Variants in LASP1 observed in about 807,000 individuals in gnomAD.
LASP1 encodes the protein LIM and SH3 protein 1.
LASP1 carries 10 observed loss-of-function variants against 38.6 expected under a neutral mutation model. That is an observed-to-expected ratio of 0.26 (90% confidence interval 0.16 to 0.44). LASP1 has a LOEUF of 0.44. LASP1 is among the 20% of genes least tolerant of loss of function. LASP1 has a pLI of 1.00. For synonymous variants in LASP1, 132 were observed against 140.8 expected, an observed-to-expected ratio of 0.94 and a Z score of 0.44; for missense variants, 243 against 375.7, an observed-to-expected ratio of 0.65 and a Z score of 2.92.
chr17:38,887,208 C>G (rs2143759636), intron 2 of LASP1, among the ~76,000 whole-genome samples: 1 of 152,264 alleles, frequency 6.6e-6, no homozygotes, highest in South Asian at 2.1e-4. Context: ...CCGGAGGTCT[C>G]CTCTCCCCCA....
At chr17:38,890,620 C>A in intron 3 of LASP1, 116 bp downstream of exon 3, 2 of 900,032 alleles carry the variant, frequency 2.2e-6, no homozygotes, top group South Asian at 1.4e-5. Context: ...GGCCAAGGTG[C>A]TGAAATCCTA....
chr17:38,908,998 C>A (rs1389429378), intron 4 of LASP1, among the ~76,000 whole-genome samples: 1 of 152,186 alleles, frequency 6.6e-6, no homozygotes, highest in Non-Finnish European at 1.5e-5. Flanking sequence ...CTTCCCACCC[C>A]ACTACTCCCA....
chr17:38,875,270 C>T lies in LASP1; in HGVS notation c.70-2816C>T, dbSNP rs554833300. 1.7e-3 allele frequency among the ~76,000 whole-genome samples: 261 copies of T among 151,912 alleles called. 1 individual carries two copies. The highest frequency in any genetic ancestry group is 0.012 in the East Asian group (62 of 5,156). ...ACCCTGCCAATGCCTCCCAGTTACT[C>T]GGGGAGGGAGTGGGGCTGTCACTTC... On this transcript the variant is annotated intron_variant, in intron 1 of 6. Coordinates refer to ENST00000318008, the MANE Select transcript of LASP1 (RefSeq NM_006148.4).
At chr17:38,870,553 T>C (rs954796637) in intron 1 of LASP1, among the ~76,000 whole-genome samples, 30 of 151,946 alleles carry the variant, frequency 2.0e-4, no homozygotes, top group African/African-American at 5.8e-4. Context: ...CCGGGGTGTG[T>C]TGGGGGAAGG....
rs574432160 is a variant in LASP1, at chr17:38,903,527, T to A, written c.357+5008T>A. Among the ~76,000 whole-genome samples, 3 of 152,028 alleles carry A rather than the reference T, an allele frequency of 2.0e-5. No homozygotes were observed. The East Asian group carries it at 5.8e-4, about 29-fold the overall frequency. On this transcript the variant is annotated intron_variant, in intron 4 of 6. Transcript: ENST00000318008. ...GGCATATAGCACCATGCCCAGCTAATTGTTATTTTTTTTGTAGAGAGAGGG... is the reference window on the plus strand; with the variant it reads ...GGCATATAGCACCATGCCCAGCTAAATGTTATTTTTTTTGTAGAGAGAGGG...
At chr17:38,883,760 T>C (rs921608133) in intron 2 of LASP1, among the ~76,000 whole-genome samples, 3 of 150,466 alleles carry the variant, frequency 2.0e-5, no homozygotes, top group Admixed American at 2.0e-4. Context: ...TTTTTTTTCT[T>C]TTCATTTTGT....
At chr17:38,894,284 T>C (rs1305228206) in intron 3 of LASP1, among the ~76,000 whole-genome samples, 1 of 152,216 alleles carries the variant, frequency 6.6e-6, no homozygotes, top group African/African-American at 2.4e-5. Context: ...TAGACTGTTC[T>C]TCCATTTTTT....
At chr17:38,888,100 TC>T (rs1287849758) in intron 2 of LASP1, among the ~76,000 whole-genome samples, 1 of 152,016 alleles carries the variant, frequency 6.6e-6, no homozygotes, top group African/African-American at 2.4e-5. Context: ...CACCCACCAG[TC>T]CCTGAAGTAA....
chr17:38,870,331 C>T, intron 1 of LASP1, 73 bp downstream of exon 1: 1 of 1,530,154 alleles, frequency 6.5e-7, no homozygotes, highest in Non-Finnish European at 9.0e-7. Flanking sequence ...AGAGAAGGGC[C>T]GGGTCTTTGC....
At chr17:38,912,507 TGCC>T (rs1914986052) in intron 4 of LASP1, among the ~76,000 whole-genome samples, 1 of 151,658 alleles carries the variant, frequency 6.6e-6, no homozygotes, top group African/African-American at 2.4e-5. Context: ...AGGGTCAGGG[TGCC>T]GCAAGCACAA....
At chr17:38,902,907 T>C (rs1659464323) in intron 4 of LASP1, among the ~76,000 whole-genome samples, 1 of 152,128 alleles carries the variant, frequency 6.6e-6, no homozygotes, top group Admixed American at 6.5e-5. Flanking sequence ...TTTGCCATAT[T>C]GGCTCGGCTG....
chr17:38,880,075 C>T (rs1175088477), intron 2 of LASP1, among the ~76,000 whole-genome samples: 2 of 152,214 alleles, frequency 1.3e-5, no homozygotes, highest in Non-Finnish European at 2.9e-5. Flanking sequence ...CACACAAGCC[C>T]TGGTTCTCTG....
At chr17:38,879,161 CTTTT>C (rs55952948) in intron 2 of LASP1, among the ~76,000 whole-genome samples, 4 of 123,704 alleles carry the variant, frequency 3.2e-5, no homozygotes, top group South Asian at 2.7e-4. Context: ...TTTTAATTTG[CTTTT>C]TTTTTTTTTT....
intron 2 of LASP1, among the ~76,000 whole-genome samples, chr17:38,887,177 C>CTCA (rs1263811129): frequency 1.3e-5 from 2 of 152,194 alleles, no homozygotes; most frequent in African/African-American, 4.8e-5. Flanking sequence ...ATTGAGTCTT[C>CTCA]GAGTGCTGGG....
In LASP1 at chr17:38,914,452, A is replaced by C; in HGVS notation, c.485A>C (p.His162Pro). The stretch of plus-strand genomic sequence containing the variant: ...CGGCCCCTGGAGCAGCAGCAGCCTC[A>C]CCACATCCCGACCAGTGCCCCGGGT... The part of the protein sequence containing the change: ...YRRPLEQQQP[H>P]HIPTSAPVYQ... The change falls in exon 5 of 7, where the codon CAC (histidine) becomes CCC (proline). Residue 162 changes from histidine to proline, a missense_variant. Physicochemically the swap from His to Pro is moderately conservative, Grantham distance 77. Coordinates refer to ENST00000318008, the MANE Select transcript of LASP1 (RefSeq NM_006148.4). 1 of 1,609,236 alleles carries C rather than the reference A, an allele frequency of 6.2e-7. No individual in the cohort carries two copies. The highest frequency in any genetic ancestry group is 2.2e-5 in the East Asian group (1 of 44,860).
At position 38,919,470 on chromosome 17, in the gene LASP1, A is replaced by G. The variant is rs1037976040; in HGVS notation, c.*692A>G. 1 of 242,410 alleles carries G rather than the reference A, an allele frequency of 4.1e-6. No individual in the cohort carries two copies. Among genetic ancestry groups the G allele is most frequent in the East Asian group, 5.9e-5 (1 of 17,086 alleles). 15.0% of individuals were successfully genotyped at this position (242,410 alleles called of 1,614,324 possible). The stretch of plus-strand genomic sequence containing the variant: ...GGGCAAAGAGCTCCCGAGGAAGCAC[A>G]GCTTGGGTCAGGTTCTTGCCTTTCT... On this transcript the variant is annotated 3_prime_UTR_variant, in exon 7 of 7. Coordinates refer to ENST00000318008, the MANE Select transcript of LASP1 (RefSeq NM_006148.4).
At chr17:38,908,089 C>G (rs1050896112) in intron 4 of LASP1, among the ~76,000 whole-genome samples, 2 of 152,168 alleles carry the variant, frequency 1.3e-5, no homozygotes, top group Non-Finnish European at 2.9e-5. Context: ...TCCCTGTCAC[C>G]CCATCGCTAA....
At chr17:38,883,512 T>C (rs1432850219) in intron 2 of LASP1, among the ~76,000 whole-genome samples, 1 of 152,158 alleles carries the variant, frequency 6.6e-6, no homozygotes, top group Non-Finnish European at 1.5e-5. Flanking sequence ...GATGACAGTG[T>C]GGGGGAGGGC....
chr17:38,918,013 G>A lies in LASP1; in HGVS notation c.613-592G>A, dbSNP rs532871920. 6.6e-6 allele frequency among the ~76,000 whole-genome samples: 1 copy of A among 151,972 alleles called. No individual in the cohort carries two copies. The highest frequency in any genetic ancestry group is 1.5e-5 in the Non-Finnish European group (1 of 67,980). ...AAATTAGCCGGGCATGGTGGTACAC[G>A]CTTATAGTCCCAGCTACTTGGGAGG... On this transcript the variant is annotated intron_variant, in intron 6 of 6. Coordinates refer to ENST00000318008, the MANE Select transcript of LASP1 (RefSeq NM_006148.4). This position sits in a 1 kb window ranked among gnomAD's most constrained non-coding sequence, Gnocchi z 4.4.
Sources: allele counts gnomAD v4.1 joint callset (sites outside exome capture counted in the v4.1 genomes callset), GRCh38; gene constraint gnomAD v4.1.1; non-coding constraint Gnocchi (gnomAD v3.1); transcripts MANE v1.5; gene names NCBI Gene and HGNC (gene_info 2026-07-23, HGNC 2026-07-21).